TTC28: variants seen among roughly 807,000 people sequenced by gnomAD.
The protein encoded by TTC28 is tetratricopeptide repeat protein 28.
TTC28 carries 61 observed loss-of-function variants against 198.0 expected under a neutral mutation model. That is an observed-to-expected ratio of 0.31 (90% CI 0.25 to 0.38). The LOEUF (loss-of-function observed/expected upper bound fraction) is 0.38. TTC28 is among the 10% of genes least tolerant of loss of function. TTC28 has a pLI of 1.00. For synonymous variants in TTC28, 1,171 were observed against 1,297.8 expected (o/e 0.90, Z 2.10); for missense variants, 2,678 against 3,164.0 (o/e 0.85, Z 3.69).
At chr22:28,130,903 T>A (rs879705446) in intron 6 of TTC28, among the ~76,000 whole-genome samples, 1 of 152,250 alleles carries the variant, frequency 6.6e-6, no homozygotes, top group Non-Finnish European at 1.5e-5. Flanking sequence ...TTTCCCAAAC[T>A]ACAATATATA....
Position 28,629,834 on chromosome 22 carries a change from CA to C in TTC28, c.103-5del, listed in dbSNP as rs1014619023. The C allele has an allele frequency of 2.3e-5, 35 of 1,541,772 alleles. No homozygotes were observed. Among genetic ancestry groups the C allele is most frequent in the African/African-American group, 4.1e-5 (3 of 72,376 alleles). On this transcript the variant is annotated splice_region_variant and splice_polypyrimidine_tract_variant and intron_variant, in intron 1 of 22. Transcript: ENST00000397906. ...TGTCAGCACCAAAGAGAGGAATCTACAAACAAAGAAACTTTATCAGAAAAAG... is the reference window on the plus strand; with the variant it reads ...TGTCAGCACCAAAGAGAGGAATCTACAACAAAGAAACTTTATCAGAAAAAG...
chr22:28,644,100 T>G (rs1316604883), intron 1 of TTC28, among the ~76,000 whole-genome samples: 1 of 152,164 alleles, frequency 6.6e-6, no homozygotes. Flanking sequence ...GAATATCTAC[T>G]ATGATAATAC....
chr22:28,319,973 G>A (rs995832466), intron 2 of TTC28, among the ~76,000 whole-genome samples: 4 of 152,084 alleles, frequency 2.6e-5, no homozygotes, highest in South Asian at 2.1e-4. Context: ...GTTACATTAC[G>A]GTAGGCAAGA....
At chr22:28,164,725 A>T (rs1249269673) in intron 5 of TTC28, among the ~76,000 whole-genome samples, 1 of 152,220 alleles carries the variant, frequency 6.6e-6, no homozygotes, top group Non-Finnish European at 1.5e-5. Flanking sequence ...AAACTCTAAA[A>T]ATCAGAGTGC....
At chr22:28,597,588 T>G (rs1390192298) in intron 2 of TTC28, among the ~76,000 whole-genome samples, 3 of 152,164 alleles carry the variant, frequency 2.0e-5, no homozygotes, top group Admixed American at 2.0e-4. Flanking sequence ...AGAAATACAC[T>G]GTAATATGCA....
chr22:28,387,000 AC>A lies in TTC28; in HGVS notation c.382-80358del, dbSNP rs1023239537. Reference sequence around the variant, plus strand: ...CAATGCTATCCCTCCCCACTCCCCCACCCCCAAAACAGGCCCCAGAGTGTGA... The same window carrying A: ...CAATGCTATCCCTCCCCACTCCCCCACCCCAAAACAGGCCCCAGAGTGTGA... On this transcript the variant is annotated intron_variant, in intron 2 of 22. Coordinates refer to ENST00000397906, the MANE Select transcript of TTC28 (RefSeq NM_001145418.2). Among the ~76,000 whole-genome samples the A allele has an allele frequency of 2.4e-4, 34 of 140,566 alleles. 1 individual carries two copies. The highest frequency in any genetic ancestry group is 5.2e-4 in the Non-Finnish European group (34 of 65,046). The allele number at this position is 140,566 out of a possible 152,430, so 92.2% of individuals were successfully genotyped here. A position where few individuals can be genotyped will look rare whatever the true frequency, so the allele number is the denominator to read the frequency against.
intron 6 of TTC28, 127 bp from the exon 7 acceptor site, chr22:28,108,530 A>G: frequency 1.2e-6 from 1 of 833,116 alleles, no homozygotes; most frequent in Non-Finnish European, 1.7e-6. Context: ...TTAAAATAAC[A>G]GAAGGTAGAA....
At chr22:28,671,099 G>A (rs912538398) in intron 1 of TTC28, among the ~76,000 whole-genome samples, 1 of 151,792 alleles carries the variant, frequency 6.6e-6, no homozygotes, top group Non-Finnish European at 1.5e-5. Context: ...AAGTGATCAC[G>A]GGCTAACATT....
rs1372071071 is a variant in TTC28, at chr22:27,983,644, G to C, written c.6023C>G (p.Pro2008Arg). 6.5e-7 allele frequency: 1 copy of C among 1,544,222 alleles called. No homozygotes were observed. The highest frequency in any genetic ancestry group is 8.7e-7 in the Non-Finnish European group (1 of 1,143,576). The change falls in exon 23 of 23, where the codon CCC becomes CGC. Residue 2008 changes from proline to arginine, a missense_variant. Pro to Arg is a moderately radical substitution (Grantham distance 103). This residue lies in a region of TTC28 where 622 missense variants were observed against 656.0 expected (regional missense o/e 0.95). Transcript: ENST00000397906. ...GCCTCCACCCTCTGATCCACCCTCG[G>C]GTTTGGAGACAAAGCTCATTGAGGA... ...IASSMSFVSK[P>R]EGGSEGGGPG...
chr22:28,032,801 T>C (rs920669964), intron 12 of TTC28, among the ~76,000 whole-genome samples: 2 of 152,106 alleles, frequency 1.3e-5, no homozygotes, highest in African/African-American at 4.8e-5. Context: ...GGGGTTTGAC[T>C]TCAACAGGCA....
chr22:28,064,673 C>T (rs1383704170), intron 12 of TTC28, among the ~76,000 whole-genome samples: 1 of 152,146 alleles, frequency 6.6e-6, no homozygotes, highest in Non-Finnish European at 1.5e-5. Context: ...TAACATCATA[C>T]TTTCAGCATC....
chr22:28,286,973 C>G (rs2044697565), intron 5 of TTC28, among the ~76,000 whole-genome samples: 1 of 152,212 alleles, frequency 6.6e-6, no homozygotes, highest in African/African-American at 2.4e-5. Context: ...CTAACCCAGT[C>G]AAAATTCCAG....
Position 27,996,179 on chromosome 22 carries a change from G to A in TTC28, c.5200C>T (p.His1734Tyr), listed in dbSNP as rs1275869753. ...AGGGCGTCCCGCGCACGCTCCGGGT[G>A]CTGCAGGATCTCTGTGAGGGCCTGG... is the stretch of plus-strand genomic sequence containing the variant. ...IGQALTEILQHPERARDALRV... is the reference protein window; with the variant it reads ...IGQALTEILQYPERARDALRV... Residue 1734 changes from histidine (H) to tyrosine (Y), a missense_variant, in exon 17 of 23, where the codon CAC (histidine) becomes TAC (tyrosine). This residue lies in a region of TTC28 where 314 missense variants were observed against 442.7 expected (regional missense o/e 0.71). Transcript: ENST00000397906. 1 of 1,551,134 alleles carries A rather than the reference G, an allele frequency of 6.4e-7. No individual in the cohort carries two copies. The highest frequency in any genetic ancestry group is 8.7e-7 in the Non-Finnish European group (1 of 1,147,022).
At chr22:28,494,238 C>T (rs2048420775) in intron 2 of TTC28, among the ~76,000 whole-genome samples, 2 of 152,124 alleles carry the variant, frequency 1.3e-5, no homozygotes, top group African/African-American at 4.8e-5. Context: ...TGAGTCTGTA[C>T]TCCACTCTTA....
At chr22:28,081,324 G>A (rs8137183) in intron 12 of TTC28, among the ~76,000 whole-genome samples, 10,541 of 151,908 alleles carry the variant, frequency 0.069, 592 homozygotes, top group East Asian at 0.23. Context: ...GGGATTACAA[G>A]TGCATGCCAC....
At chr22:28,360,341 C>A (rs2046139330) in intron 2 of TTC28, among the ~76,000 whole-genome samples, 1 of 152,234 alleles carries the variant, frequency 6.6e-6, no homozygotes, top group African/African-American at 2.4e-5. Context: ...GGGTAGAACA[C>A]TGTGAATAAG....
At chr22:28,610,080 A>T (rs1304801976) in intron 2 of TTC28, among the ~76,000 whole-genome samples, 2 of 152,218 alleles carry the variant, frequency 1.3e-5, no homozygotes, top group African/African-American at 2.4e-5. Flanking sequence ...AAAAGGCAGC[A>T]GCCCCAGTCA....
chr22:28,369,256 A>G (rs1302358247), intron 2 of TTC28, among the ~76,000 whole-genome samples: 1 of 152,182 alleles, frequency 6.6e-6, no homozygotes, highest in African/African-American at 2.4e-5. Context: ...AACAGAATAG[A>G]GAACCCAGAA....
chr22:28,342,885 G>A (rs1400929524), intron 2 of TTC28, among the ~76,000 whole-genome samples: 1 of 152,080 alleles, frequency 6.6e-6, no homozygotes, highest in Non-Finnish European at 1.5e-5. Context: ...ATTAACATAG[G>A]CATGCACAGA....
Sources: gnomAD v4.1 joint callset for allele counts (sites outside exome capture counted in the v4.1 genomes callset) on GRCh38, gnomAD v4.1.1 for gene constraint, gnomAD v4.1.1 regional missense constraint, MANE v1.5 for transcripts, NCBI Gene and HGNC (gene_info 2026-07-23, HGNC 2026-07-21) for gene names.